TBC1D25: variants seen among roughly 807,000 people sequenced by gnomAD.
TBC1D25 encodes the protein 5SN3 snoRNA.
In TBC1D25, 13 loss-of-function variants were observed where a neutral mutation model predicts 38.8. The ratio of observed to expected loss-of-function variants is 0.34; its 90% CI spans 0.22 to 0.53. The LOEUF is 0.53. Ranked by LOEUF, TBC1D25 falls within the 20% of genes least tolerant of loss-of-function variation. The pLI is 0.94. For missense variants in TBC1D25, 372 were observed against 600.0 expected (o/e 0.62, Z 3.97); for synonymous variants, 225 against 255.6 (o/e 0.88, Z 1.14).
chrX:48,546,945 G>A (rs782213793), intron 3 of TBC1D25, among the ~76,000 whole-genome samples: 208 of 111,896 alleles, frequency 1.9e-3, no homozygotes, highest in Admixed American at 3.5e-3. Flanking sequence ...AGTGGAAGAT[G>A]TGGTTCCCAG....
At chrX:48,543,570 C>T (rs781862474) in intron 2 of TBC1D25, among the ~76,000 whole-genome samples, 9 of 105,569 alleles carry the variant, frequency 8.5e-5, no homozygotes, top group Non-Finnish European at 1.8e-4. Context: ...TTCCAAAATG[C>T]TCTCCAGACA....
chrX:48,544,719 C>A, intron 2 of TBC1D25, 150 bp from the exon 3 acceptor site: 1 of 673,104 alleles, frequency 1.5e-6, no homozygotes, highest in Non-Finnish European at 2.1e-6. Context: ...GACCTGATCT[C>A]AGGCTGCCCA....
In TBC1D25 at chrX:48,559,325, T is replaced by C; in HGVS notation, c.684T>C (p.Gly228=). Residue 228 remains glycine, a synonymous_variant, in exon 5 of 6, where the codon GGT becomes GGC. Coordinates refer to ENST00000376771, the MANE Select transcript of TBC1D25 (RefSeq NM_002536.4). ...EELRLRIYHG[G]VEPSLRKVVW... ...TGCGCCTGCGGATCTATCATGGCGG[T>C]GTGGAGCCCTCGCTGCGAAAGGTGA... 8.3e-7 allele frequency: 1 copy of C among 1,209,372 alleles called. No homozygotes were observed. Among genetic ancestry groups the C allele is most frequent in the Non-Finnish European group, 1.1e-6 (1 of 894,424 alleles).
At position 48,561,999 on chromosome X, in the gene TBC1D25, A is replaced by T. The variant is rs1417010905; in HGVS notation, c.*1024A>T. 2 of 112,235 alleles carry T rather than the reference A, an allele frequency of 1.8e-5. No homozygotes were observed. Among genetic ancestry groups the T allele is most frequent in the African/African-American group, 3.2e-5 (1 of 30,909 alleles). The allele number at this position is 112,235 out of a possible 1,213,427, so 9.2% of individuals were successfully genotyped here. A position where few individuals can be genotyped will look rare whatever the true frequency, so the allele number is the denominator to read the frequency against. ...ACTGATAAAACGCAGGCCCTAATAGAATTCACTTCGTTATTTGGAGGATAA... is the reference window on the plus strand; with the variant it reads ...ACTGATAAAACGCAGGCCCTAATAGTATTCACTTCGTTATTTGGAGGATAA... On this transcript the variant is annotated 3_prime_UTR_variant, in exon 6 of 6. Transcript: ENST00000376771.
At chrX:48,548,810 C>T (rs1602107534) in intron 3 of TBC1D25, among the ~76,000 whole-genome samples, 2 of 111,908 alleles carry the variant, frequency 1.8e-5, no homozygotes, top group African/African-American at 3.2e-5. Context: ...TACACATAAA[C>T]GGTATGTGTT....
At chrX:48,551,472 C>T (rs2061932099) in intron 3 of TBC1D25, among the ~76,000 whole-genome samples, 1 of 109,577 alleles carries the variant, frequency 9.1e-6, no homozygotes, top group Non-Finnish European at 1.9e-5. Context: ...AGATTACAGG[C>T]ACGCGCCACC....
chrX:48,542,022 A>ATT (rs2061842617), intron 2 of TBC1D25, among the ~76,000 whole-genome samples: 1 of 64,518 alleles, frequency 1.5e-5, no homozygotes, highest in Non-Finnish European at 2.8e-5. Context: ...TTTCCTTTTT[A>ATT]TTTCTTTTTT....
chrX:48,559,454 A>G lies in TBC1D25; in HGVS notation c.705+108A>G, dbSNP rs2062002948. On this transcript the variant is annotated intron_variant, in intron 5 of 5. Coordinates refer to ENST00000376771, the MANE Select transcript of TBC1D25 (RefSeq NM_002536.4). The stretch of plus-strand genomic sequence containing the variant: ...CTGTGGGCAAGGGTGGAGATGTTAC[A>G]GGGCACGAAGTTCTCTTTAAGGAGG... The G allele has an allele frequency of 4.6e-6, 5 of 1,080,205 alleles. No homozygotes were observed. In the Admixed American group the frequency reaches 1.2e-4, roughly 25 times the overall value. The allele number at this position is 1,080,205 out of a possible 1,213,427, so 89.0% of individuals were successfully genotyped here. A position where few individuals can be genotyped will look rare whatever the true frequency, so the allele number is the denominator to read the frequency against.
chrX:48,561,040 C>T lies in TBC1D25; in HGVS notation c.*65C>T. The T allele has an allele frequency of 9.2e-7, 1 of 1,081,626 alleles. No individual in the cohort carries two copies. The highest frequency in any genetic ancestry group is 1.2e-6 in the Non-Finnish European group (1 of 821,038). 89.1% of individuals were successfully genotyped at this position (1,081,626 alleles called of 1,213,427 possible). A position where few individuals can be genotyped will look rare whatever the true frequency, so the allele number is the denominator to read the frequency against. ...CCATTCTTTGCCATGAGGGCCAACA[C>T]ATGAGACCCCACCTCCCTCCCTGCC... On this transcript the variant is annotated 3_prime_UTR_variant, in exon 6 of 6. Coordinates refer to ENST00000376771, the MANE Select transcript of TBC1D25 (RefSeq NM_002536.4).
Position 48,560,969 on chromosome X carries a change from A to T in TBC1D25, c.2061A>T (p.Ala687=), listed in dbSNP as rs1177032960. The T allele has an allele frequency of 1.7e-6, 2 of 1,188,180 alleles. No individual in the cohort carries two copies. The highest frequency in any genetic ancestry group is 2.3e-6 in the Non-Finnish European group (2 of 884,596). The change falls in exon 6 of 6, where the codon GCA becomes GCT. Residue 687 remains alanine (A), a synonymous_variant. Coordinates refer to ENST00000376771, the MANE Select transcript of TBC1D25 (RefSeq NM_002536.4). The stretch of plus-strand genomic sequence containing the variant: ...AGGAGGGGGCTGAGGCCACAGCCGC[A>T]TCTTGATCAGGCTTTCTCAAGCCCT... ...DSEEGAEATA[A]S is the part of the protein sequence containing the mutation.
chrX:48,540,366 A>G (rs1485599062), intron 1 of TBC1D25, among the ~76,000 whole-genome samples: 1 of 112,071 alleles, frequency 8.9e-6, no homozygotes, highest in Non-Finnish European at 1.9e-5. Context: ...TGCTTCGGAC[A>G]CTAAAATAAT....
chrX:48,549,912 C>T (rs1252198548), intron 3 of TBC1D25, among the ~76,000 whole-genome samples: 1 of 112,402 alleles, frequency 8.9e-6, no homozygotes, highest in Non-Finnish European at 1.9e-5. Context: ...AATCTTTTCT[C>T]TGTCAGCATT....
chrX:48,551,446 G>A (rs1556983248), intron 3 of TBC1D25, among the ~76,000 whole-genome samples: 1 of 107,676 alleles, frequency 9.3e-6, no homozygotes, highest in Non-Finnish European at 1.9e-5. Context: ...TCCTGCCTCA[G>A]CCTCTTGAGT....
intron 3 of TBC1D25, among the ~76,000 whole-genome samples, chrX:48,552,389 C>T (rs1230791616): frequency 1.1e-5 from 1 of 93,388 alleles, no homozygotes; most frequent in East Asian, 3.3e-4. Context: ...GAGTTTCGCT[C>T]TGTCGCCCAG....
rs1030515000 is a variant in TBC1D25 at position 48,539,714 on chromosome X, G to A, written c.-84G>A. Reference sequence around the variant, plus strand: ...CTGCGCCTGCGCCCCGGCACGAGGTGGGGCGGCGGGCGTCAGTACAGTAGA... The same window carrying A: ...CTGCGCCTGCGCCCCGGCACGAGGTAGGGCGGCGGGCGTCAGTACAGTAGA... On this transcript the variant is annotated 5_prime_UTR_variant, in exon 1 of 6. Transcript: ENST00000376771. 1.1e-6 allele frequency: 1 copy of A among 932,389 alleles called. No individual in the cohort carries two copies. The highest frequency in any genetic ancestry group is 1.3e-6 in the Non-Finnish European group (1 of 750,933). The allele number at this position is 932,389 out of a possible 1,213,427, so 76.8% of individuals were successfully genotyped here. A position where few individuals can be genotyped will look rare whatever the true frequency, so the allele number is the denominator to read the frequency against.
At chrX:48,540,821 G>A (rs1256664255) in intron 1 of TBC1D25, among the ~76,000 whole-genome samples, 1 of 112,342 alleles carries the variant, frequency 8.9e-6, no homozygotes. Context: ...AAAAGATGAT[G>A]CCTGAGCTGG....
Position 48,558,917 on chromosome X carries a change from G to A in TBC1D25, c.409G>A (p.Asp137Asn), listed in dbSNP as rs2061997785. Reference protein sequence around the residue: ...SEDSPLLEDWDIISPKDVIGS... With the variant: ...SEDSPLLEDWNIISPKDVIGS... ...CCCAGGCCCATTGCTAGAAGACTGG[G>A]ACATAATCAGCCCCAAAGATGTCAT... Residue 137 changes from aspartate to asparagine, a missense_variant, in exon 4 of 6, where the codon GAC becomes AAC. Asp to Asn is a conservative substitution (Grantham distance 23, BLOSUM62 1). This residue lies in a region of TBC1D25 where 312 missense variants were observed against 549.3 expected (regional missense o/e 0.57). Transcript: ENST00000376771. 4.1e-6 allele frequency: 5 copies of A among 1,209,742 alleles called. No homozygotes were observed. The highest frequency in any genetic ancestry group is 5.6e-6 in the Non-Finnish European group (5 of 895,232).
intron 2 of TBC1D25, among the ~76,000 whole-genome samples, chrX:48,543,482 G>A (rs1232941072): frequency 1.9e-5 from 2 of 105,395 alleles, no homozygotes; most frequent in Admixed American, 1.0e-4. Context: ...TGATCCACCC[G>A]CCTCAGCCTC....
chrX:48,540,074 G>GGCCTGAGA (rs1310152985), intron 1 of TBC1D25, 154 bp downstream of exon 1: 1 of 780,891 alleles, frequency 1.3e-6, no homozygotes, highest in African/African-American at 2.2e-5. Flanking sequence ...GGGTAGGGAG[G>GGCCTGAGA]GCCTGAGAGC....
Sources: allele counts gnomAD v4.1 joint callset (sites outside exome capture counted in the v4.1 genomes callset), GRCh38; gene constraint gnomAD v4.1.1; regional missense constraint gnomAD v4.1.1; transcripts MANE v1.5; gene names NCBI Gene and HGNC (gene_info 2026-07-23, HGNC 2026-07-21).